The following TACR3 variants were observed in gnomAD, a reference collection of about 807,000 sequenced individuals.
TACR3 encodes tachykinin receptor 3, also known as neuromedin-K receptor.
TACR3 carries 34 observed loss-of-function variants against 35.0 expected under a neutral mutation model. The ratio of observed to expected loss-of-function variants is 0.97; its 90% CI spans 0.74 to 1.30. The LOEUF is 1.30. Among genes scored for constraint, TACR3 ranks in the 50% most tolerant of loss-of-function variants. The pLI, the probability that TACR3 is intolerant of heterozygous loss-of-function variation, is 0.00. For missense variants in TACR3, 558 were observed against 591.7 expected, an observed-to-expected ratio of 0.94 and a Z score of 0.59; for synonymous variants, 233 against 221.1, an observed-to-expected ratio of 1.05 and a Z score of -0.48.
At chr4:103,710,575 A>C (rs1435119663) in intron 1 of TACR3, among the ~76,000 whole-genome samples, 1 of 152,210 alleles carries the variant, frequency 6.6e-6, no homozygotes, top group East Asian at 1.9e-4. Flanking sequence ...CATCACAATT[A>C]AAAGAACTAG....
At chr4:103,623,083 C>A (rs1213018956) in intron 3 of TACR3, among the ~76,000 whole-genome samples, 1 of 151,944 alleles carries the variant, frequency 6.6e-6, no homozygotes. Context: ...ATAACAAAGT[C>A]TTTAAAATAT....
At chr4:103,621,563 A>C (rs1724783076) in intron 3 of TACR3, among the ~76,000 whole-genome samples, 1 of 152,212 alleles carries the variant, frequency 6.6e-6, no homozygotes, top group Non-Finnish European at 1.5e-5. Flanking sequence ...AAGGCTTAGG[A>C]AAGAAGAAAA....
chr4:103,618,331 G>A (rs983565172), intron 3 of TACR3, among the ~76,000 whole-genome samples: 1 of 152,018 alleles, frequency 6.6e-6, no homozygotes, highest in Non-Finnish European at 1.5e-5. Flanking sequence ...TGTTGAATAG[G>A]GAATCCTTTC....
chr4:103,647,967 A>C (rs1725497407), intron 3 of TACR3, among the ~76,000 whole-genome samples: 2 of 152,028 alleles, frequency 1.3e-5, no homozygotes, highest in Admixed American at 1.3e-4. Flanking sequence ...TCTACTGGCT[A>C]TACTTCAAAG....
At chr4:103,693,301 G>T (rs756073232) in intron 1 of TACR3, among the ~76,000 whole-genome samples, 2 of 152,082 alleles carry the variant, frequency 1.3e-5, no homozygotes, top group Non-Finnish European at 2.9e-5. Context: ...TTAAAAATTT[G>T]CAAACAATAA....
chr4:103,719,024 T>G (rs891922835), intron 1 of TACR3, 104 bp downstream of exon 1: 14 of 1,498,602 alleles, frequency 9.3e-6, no homozygotes, highest in Non-Finnish European at 1.3e-5. Flanking sequence ...TCTCTTTACT[T>G]TTATAGACCC....
At chr4:103,590,109 GT>G in intron 4 of TACR3, 115 bp from the exon 5 acceptor site, 1 of 1,289,278 alleles carries the variant, frequency 7.8e-7, no homozygotes, top group Non-Finnish European at 1.1e-6. Flanking sequence ...TTTGAGTTTG[GT>G]TTTTAGCCAG....
intron 1 of TACR3, among the ~76,000 whole-genome samples, chr4:103,712,951 T>C (rs941572334): frequency 5.3e-5 from 8 of 152,084 alleles, no homozygotes; most frequent in African/African-American, 1.4e-4. Flanking sequence ...GTTAGAATGG[T>C]GATCATTAAA....
rs759191399 is a variant in TACR3, at chr4:103,590,082, G to C, written c.1086-88C>G. On this transcript the variant is annotated intron_variant, in intron 4 of 4. Transcript: ENST00000304883. The stretch of plus-strand genomic sequence containing the variant: ...GCCACAGAAAATTCTACCTAAGGCA[G>C]TTATAACAACTCAGTTTTTGAGTTT... The C allele has an allele frequency of 2.3e-5, 35 of 1,498,760 alleles. No homozygotes were observed. The Middle Eastern group carries it at 6.6e-4, about 28-fold the overall frequency. 92.8% of individuals were successfully genotyped at this position (1,498,760 alleles called of 1,614,324 possible).
At chr4:103,654,424 T>G (rs1303315326) in intron 3 of TACR3, among the ~76,000 whole-genome samples, 1 of 149,348 alleles carries the variant, frequency 6.7e-6, no homozygotes, top group Non-Finnish European at 1.5e-5. Flanking sequence ...GGAAACATCA[T>G]TCTCAGCAAA....
At chr4:103,631,466 T>A (rs1353743428) in intron 3 of TACR3, among the ~76,000 whole-genome samples, 6 of 152,200 alleles carry the variant, frequency 3.9e-5, no homozygotes, top group Non-Finnish European at 8.8e-5. Flanking sequence ...CATAAATATT[T>A]ATTAAAATAT....
At chr4:103,597,124 G>T (rs1460313646) in intron 3 of TACR3, among the ~76,000 whole-genome samples, 1 of 148,968 alleles carries the variant, frequency 6.7e-6, no homozygotes, top group East Asian at 2.0e-4. Context: ...CCCAGTAATG[G>T]GAAGGCTGGG....
At chr4:103,649,359 G>A (rs1021519216) in intron 3 of TACR3, among the ~76,000 whole-genome samples, 4 of 151,966 alleles carry the variant, frequency 2.6e-5, no homozygotes, top group African/African-American at 7.3e-5. Flanking sequence ...AGAACTCTTT[G>A]CCTAGTTCAA....
At chr4:103,603,171 C>A (rs571000739) in intron 3 of TACR3, among the ~76,000 whole-genome samples, 32 of 152,344 alleles carry the variant, frequency 2.1e-4, no homozygotes, top group African/African-American at 7.7e-4. Flanking sequence ...GAGCAAGACT[C>A]CATGGGCGTA....
intron 1 of TACR3, among the ~76,000 whole-genome samples, chr4:103,682,632 C>A (rs1316493175): frequency 6.6e-6 from 1 of 152,018 alleles, no homozygotes; most frequent in African/African-American, 2.4e-5. Context: ...AGAGCCAAAC[C>A]GTATCACTGG....
intron 3 of TACR3, among the ~76,000 whole-genome samples, chr4:103,643,439 G>T (rs1402529523): frequency 1.3e-5 from 2 of 151,326 alleles, no homozygotes; most frequent in African/African-American, 2.4e-5. Context: ...AAGAGAGAGA[G>T]AGAGAGAGAG....
At chr4:103,628,313 G>A (rs1479564708) in intron 3 of TACR3, among the ~76,000 whole-genome samples, 2 of 152,074 alleles carry the variant, frequency 1.3e-5, no homozygotes, top group Admixed American at 1.3e-4. Flanking sequence ...ACCTGAAGGA[G>A]ATAGAGACAC....
rs1185049451 is a variant in TACR3, at chr4:103,586,042, A to G, written c.*3640T>C. The stretch of plus-strand genomic sequence containing the variant: ...AGTAGTAAGACTTCTTTTACTTTTA[A>G]TATTAGTTTTAATGTTTTTAAAGAA... On this transcript the variant is annotated 3_prime_UTR_variant, in exon 5 of 5. Coordinates refer to ENST00000304883, the MANE Select transcript of TACR3 (RefSeq NM_001059.3). 1 of 152,056 alleles carries G rather than the reference A, an allele frequency of 6.6e-6. No homozygotes were observed. Among genetic ancestry groups the G allele is most frequent in the Admixed American group, 6.6e-5 (1 of 15,220 alleles). 9.4% of individuals were successfully genotyped at this position (152,056 alleles called of 1,614,324 possible). A position where few individuals can be genotyped will look rare whatever the true frequency, so the allele number is the denominator to read the frequency against.
chr4:103,658,510 C>G (rs1183434211), intron 1 of TACR3, 107 bp from the exon 2 acceptor site: 1 of 1,079,202 alleles, frequency 9.3e-7, no homozygotes, highest in East Asian at 2.6e-5. Flanking sequence ...AGTCATTGCT[C>G]TTTTGGGAAA....
Sources: gnomAD v4.1 joint callset for allele counts (sites outside exome capture counted in the v4.1 genomes callset) on GRCh38, gnomAD v4.1.1 for gene constraint, MANE v1.5 for transcripts, NCBI Gene and HGNC (gene_info 2026-07-23, HGNC 2026-07-21) for gene names.